Variants in SORCS1 observed in about 807,000 individuals in gnomAD.
The protein encoded by SORCS1 is VPS10 domain-containing receptor SorCS1.
Under a neutral mutation model 146.1 loss-of-function variants are expected in SORCS1, and 60 were observed. That is an observed-to-expected ratio of 0.41 (90% CI 0.33 to 0.51). SORCS1 has a LOEUF of 0.51. Among genes scored for constraint, SORCS1 ranks in the 20% least tolerant of loss-of-function variants. SORCS1 has a pLI of 0.21. For synonymous variants in SORCS1, 637 were observed against 584.0 expected, an observed-to-expected ratio of 1.09 and a Z score of -1.31; for missense variants, 1,352 against 1,487.6, an observed-to-expected ratio of 0.91 and a Z score of 1.50.
intron 1 of SORCS1, among the ~76,000 whole-genome samples, chr10:107,007,809 G>A (rs1957519264): frequency 6.6e-6 from 1 of 150,772 alleles, no homozygotes. Context: ...AATACCATGC[G>A]AGGCTCAGGC....
At chr10:106,939,857 G>A (rs1227634368) in intron 2 of SORCS1, among the ~76,000 whole-genome samples, 2 of 152,134 alleles carry the variant, frequency 1.3e-5, no homozygotes, top group East Asian at 1.9e-4. Flanking sequence ...CTCATCCTAC[G>A]ATATAATGCC....
chr10:107,002,311 T>A (rs1053986108), intron 1 of SORCS1, among the ~76,000 whole-genome samples: 10 of 152,184 alleles, frequency 6.6e-5, no homozygotes, highest in African/African-American at 2.4e-4. Flanking sequence ...ATTAGTAAGG[T>A]CAGACCGTAT....
chr10:107,109,277 T>A (rs1205136660), intron 1 of SORCS1, among the ~76,000 whole-genome samples: 1 of 152,222 alleles, frequency 6.6e-6, no homozygotes, highest in East Asian at 1.9e-4. Context: ...AGGTTCTCTG[T>A]GAGGGTTACA....
At chr10:106,939,996 G>A (rs1299449609) in intron 2 of SORCS1, among the ~76,000 whole-genome samples, 5 of 152,178 alleles carry the variant, frequency 3.3e-5, no homozygotes, top group Admixed American at 6.5e-5. Context: ...ACAGCACAAG[G>A]TGCAGCCCTT....
chr10:106,731,347 C>T (rs1856587482), intron 5 of SORCS1, among the ~76,000 whole-genome samples: 1 of 148,672 alleles, frequency 6.7e-6, no homozygotes, highest in South Asian at 2.1e-4. Context: ...GAGCCTAGTG[C>T]GGTATCCACG....
At chr10:106,852,670 C>T (rs1374737532) in intron 2 of SORCS1, among the ~76,000 whole-genome samples, 1 of 150,432 alleles carries the variant, frequency 6.6e-6, no homozygotes, top group African/African-American at 2.4e-5. Context: ...AAAGAAATTT[C>T]CCGCTATCCT....
intron 2 of SORCS1, among the ~76,000 whole-genome samples, chr10:106,906,605 A>G (rs1008119528): frequency 2.0e-5 from 3 of 152,174 alleles, no homozygotes; most frequent in African/African-American, 4.8e-5. Context: ...ATAGCACAGG[A>G]AAGACTGGCC....
intron 17 of SORCS1, among the ~76,000 whole-genome samples, chr10:106,664,411 G>A (rs1032414509): frequency 6.6e-6 from 1 of 152,124 alleles, no homozygotes; most frequent in Admixed American, 6.5e-5. Context: ...GGGAGGCTGA[G>A]GCAGGTGGAT....
intron 3 of SORCS1, among the ~76,000 whole-genome samples, chr10:106,802,908 G>A (rs1211235441): frequency 6.6e-6 from 1 of 152,194 alleles, no homozygotes; most frequent in African/African-American, 2.4e-5. Context: ...AGGGATTACA[G>A]GTGTGAGCCA....
At chr10:107,146,774 C>A (rs1968367730) in intron 1 of SORCS1, among the ~76,000 whole-genome samples, 1 of 152,088 alleles carries the variant, frequency 6.6e-6, no homozygotes, top group Non-Finnish European at 1.5e-5. Flanking sequence ...CATCTGCTTT[C>A]TATGTGACCT....
intron 3 of SORCS1, among the ~76,000 whole-genome samples, chr10:106,816,741 T>A (rs972096491): frequency 1.3e-5 from 2 of 152,320 alleles, no homozygotes; most frequent in East Asian, 3.9e-4. Context: ...GTCCCTCTCT[T>A]CTTGTTTGAA....
At chr10:106,910,355 C>A (rs1480867226) in intron 2 of SORCS1, among the ~76,000 whole-genome samples, 3 of 149,904 alleles carry the variant, frequency 2.0e-5, no homozygotes, top group African/African-American at 7.5e-5. Flanking sequence ...AGCTCACAAG[C>A]GAGAGAGAGG....
At chr10:106,619,305 G>T (rs1228150148) in intron 20 of SORCS1, among the ~76,000 whole-genome samples, 1 of 152,160 alleles carries the variant, frequency 6.6e-6, no homozygotes, top group Non-Finnish European at 1.5e-5. Context: ...AAATTAAAAA[G>T]GGTCTCTTTT....
chr10:106,673,070 C>T (rs11193010), intron 14 of SORCS1, 85 bp from the exon 15 acceptor site: 476,804 of 1,043,086 alleles, frequency 0.46, 115,848 homozygotes, highest in Middle Eastern at 0.55. Flanking sequence ...GGGGCGTTCA[C>T]CCTGAGCTAA....
chr10:107,000,091 C>G (rs527993751), intron 1 of SORCS1, among the ~76,000 whole-genome samples: 78 of 152,274 alleles, frequency 5.1e-4, no homozygotes, highest in Non-Finnish European at 8.4e-4. Flanking sequence ...CCCAGTGACA[C>G]CACATCACCC....
chr10:106,674,116 A>T (rs1851820995), intron 14 of SORCS1, among the ~76,000 whole-genome samples: 1 of 149,402 alleles, frequency 6.7e-6, no homozygotes, highest in Non-Finnish European at 1.5e-5. Flanking sequence ...GGAGATCGAG[A>T]CCATCCTGGC....
intron 2 of SORCS1, among the ~76,000 whole-genome samples, chr10:106,863,293 A>AG (rs57210614): frequency 0.022 from 3,300 of 152,152 alleles, 113 homozygotes; most frequent in African/African-American, 0.074. Flanking sequence ...GGATGCCAAG[A>AG]GGGGGCAGAT....
intron 1 of SORCS1, among the ~76,000 whole-genome samples, chr10:107,026,110 T>C (rs866389197): frequency 2.0e-5 from 3 of 152,300 alleles, no homozygotes; most frequent in Middle Eastern, 3.4e-3. Flanking sequence ...AGGTAAGGAA[T>C]ACATGACCCA....
At chr10:106,612,520 T>C (rs1461284585) in intron 21 of SORCS1, among the ~76,000 whole-genome samples, 1 of 151,192 alleles carries the variant, frequency 6.6e-6, no homozygotes, top group Non-Finnish European at 1.5e-5. Context: ...GGGAAAAAAC[T>C]GGCCCTCTCA....
Sources: allele counts gnomAD v4.1 joint callset (sites outside exome capture counted in the v4.1 genomes callset), GRCh38; gene constraint gnomAD v4.1.1; transcripts MANE v1.5; gene names NCBI Gene and HGNC (gene_info 2026-07-23, HGNC 2026-07-21).